DYNC2H1: variants seen among roughly 807,000 people sequenced by gnomAD.
DYNC2H1 encodes cytoplasmic dynein 2 heavy chain 1.
DYNC2H1 carries 410 observed loss-of-function variants against 570.0 expected under a neutral mutation model. That is an observed-to-expected ratio of 0.72 (90% confidence interval 0.66 to 0.78). The LOEUF (loss-of-function observed/expected upper bound fraction) is 0.78, where lower values mean the gene tolerates loss of function less well. Among genes scored for constraint, DYNC2H1 ranks in the 30% least tolerant of loss-of-function variants. DYNC2H1 has a pLI of 0.00. For synonymous variants in DYNC2H1, 1,688 were observed against 1,677.6 expected, an observed-to-expected ratio of 1.01 and a Z score of -0.15; for missense variants, 4,865 against 5,046.4, an observed-to-expected ratio of 0.96 and a Z score of 1.09.
chr11:103,448,271 T>C (rs1456149372), intron 85 of DYNC2H1, among the ~76,000 whole-genome samples: 1 of 152,144 alleles, frequency 6.6e-6, no homozygotes, highest in Admixed American at 6.5e-5. Flanking sequence ...CATGTGTGTG[T>C]ATGTTCTTCC....
intron 59 of DYNC2H1, among the ~76,000 whole-genome samples, chr11:103,227,132 G>T (rs912903092): frequency 1.1e-4 from 16 of 151,454 alleles, no homozygotes; most frequent in Non-Finnish European, 2.2e-4. Flanking sequence ...TTCAAAGAAT[G>T]AACTTTTTGT....
At chr11:103,421,098 C>T (rs1463504760) in intron 84 of DYNC2H1, among the ~76,000 whole-genome samples, 1 of 152,098 alleles carries the variant, frequency 6.6e-6, no homozygotes, top group African/African-American at 2.4e-5. Context: ...ACAAAACAGA[C>T]TTCAAACCAA....
In DYNC2H1 at chr11:103,206,779, A is replaced by T. The variant is rs983395585; in HGVS notation, c.8454+1815A>T. 8.5e-5 allele frequency among the ~76,000 whole-genome samples: 13 copies of T among 152,226 alleles called. 1 individual carries two copies. The highest frequency in any genetic ancestry group is 2.1e-4 in the South Asian group (1 of 4,834). On this transcript the variant is annotated intron_variant, in intron 52 of 88. Coordinates refer to ENST00000375735, the MANE Select transcript of DYNC2H1 (RefSeq NM_001377.3). ...TGACTTTGATGGAGCAGTTGCAGTT[A>T]GTAATGGAAAAAGCCGTATTGGAAT...
In DYNC2H1 at chr11:103,128,513, G is replaced by A. The variant is rs117482735; in HGVS notation, c.1858-397G>A. 7.4e-3 allele frequency among the ~76,000 whole-genome samples: 1,126 copies of A among 152,258 alleles called. 6 individuals are homozygous for A. The highest frequency in any genetic ancestry group is 0.011 in the Admixed American group (173 of 15,302). ...ATTAAGGATATCTCAAAGAATTTTT[G>A]GTCTGAGACATGAATAAATTATTGT... On this transcript the variant is annotated intron_variant, in intron 12 of 88. Coordinates refer to ENST00000375735, the MANE Select transcript of DYNC2H1 (RefSeq NM_001377.3).
chr11:103,306,005 A>G (rs369113778), intron 77 of DYNC2H1, among the ~76,000 whole-genome samples: 6 of 152,190 alleles, frequency 3.9e-5, no homozygotes, highest in African/African-American at 1.4e-4. Context: ...TCCACCTCCC[A>G]AGTTCAAATG....
chr11:103,324,626 G>T lies in DYNC2H1; in HGVS notation c.12039+636G>T, dbSNP rs1321458341. Among the ~76,000 whole-genome samples the T allele has an allele frequency of 6.6e-6, 1 of 152,136 alleles. No individual in the cohort carries two copies. Among genetic ancestry groups the T allele is most frequent in the African/African-American group, 2.4e-5 (1 of 41,422 alleles). On this transcript the variant is annotated intron_variant, in intron 82 of 88. Coordinates refer to ENST00000375735, the MANE Select transcript of DYNC2H1 (RefSeq NM_001377.3). The surrounding 1 kb of genome is among the most constrained non-coding windows in gnomAD (Gnocchi z 5.2). ...TCAGTCTACCATTGATGGCCATTTA[G>T]GTTGACTCCATATCTTTGCTATTGT...
chr11:103,231,189 A>G lies in DYNC2H1; in HGVS notation c.9354-71A>G, dbSNP rs61896694. 88,897 of 830,168 alleles carry G rather than the reference A, an allele frequency of 0.11. 5,650 individuals are homozygous for G. Among genetic ancestry groups the G allele is most frequent in the East Asian group, 0.12 (4,490 of 36,878 alleles). The allele number at this position is 830,168 out of a possible 1,614,324, so 51.4% of individuals were successfully genotyped here. A position where few individuals can be genotyped will look rare whatever the true frequency, so the allele number is the denominator to read the frequency against. On this transcript the variant is annotated intron_variant, in intron 59 of 88. Transcript: ENST00000375735. ...TTTAATTGTCATATGATTACATTTT[A>G]AGGTGCTGCTGCTGCTTTATAGTTG...
At chr11:103,267,798 A>G (rs1865566873) in intron 70 of DYNC2H1, among the ~76,000 whole-genome samples, 1 of 151,936 alleles carries the variant, frequency 6.6e-6, no homozygotes, top group African/African-American at 2.4e-5. Context: ...ATCTCTTTAT[A>G]TTCATAAGTA....
intron 75 of DYNC2H1, among the ~76,000 whole-genome samples, chr11:103,291,012 T>A (rs1243355958): frequency 2.0e-5 from 3 of 152,096 alleles, no homozygotes; most frequent in Non-Finnish European, 4.4e-5. Flanking sequence ...CAGCCATGGA[T>A]GGGGGAGTGG....
At chr11:103,218,092 G>A (rs1591426633) in intron 55 of DYNC2H1, among the ~76,000 whole-genome samples, 1 of 152,188 alleles carries the variant, frequency 6.6e-6, no homozygotes, top group Non-Finnish European at 1.5e-5. Flanking sequence ...GCCGTGTGGA[G>A]CATCTGGAAC....
At chr11:103,159,082 G>T in intron 28 of DYNC2H1, 55 bp downstream of exon 28, 1 of 1,407,722 alleles carries the variant, frequency 7.1e-7, no homozygotes, top group Non-Finnish European at 9.9e-7. Context: ...TGTCTGCCAG[G>T]CCTAATATTA....
rs757061327 is a variant in DYNC2H1 at position 103,253,425 on chromosome 11, A to G, written c.10183A>G (p.Thr3395Ala). The change falls in exon 66 of 89, where the codon ACA (threonine) becomes GCA (alanine). Residue 3395 changes from threonine (T) to alanine (A), a missense_variant. Physicochemically the swap from Thr to Ala is moderately conservative, Grantham distance 58. Coordinates refer to ENST00000375735, the MANE Select transcript of DYNC2H1 (RefSeq NM_001377.3). ...SIVTEVNFTT[T>A]RSGLRGQLLA... ...TGTTACTGAGGTTAACTTTACTACA[A>G]CAAGAAGTGGATTACGAGGGCAGGT... is the stretch of plus-strand genomic sequence containing the variant. The G allele has an allele frequency of 7.4e-6, 12 of 1,612,910 alleles. No individual in the cohort carries two copies. The Admixed American group carries it at 8.3e-5, about 11-fold the overall frequency.
intron 63 of DYNC2H1, among the ~76,000 whole-genome samples, chr11:103,237,926 A>G (rs1297639211): frequency 1.3e-5 from 2 of 152,124 alleles, no homozygotes; most frequent in Non-Finnish European, 2.9e-5. Context: ...ATAAGCTTAA[A>G]TTTACTTTGT....
chr11:103,270,574 G>A (rs374533594), intron 70 of DYNC2H1, among the ~76,000 whole-genome samples: 1 of 135,032 alleles, frequency 7.4e-6, no homozygotes, highest in Non-Finnish European at 1.7e-5. Context: ...ATATGATGTG[G>A]TACCTCTCTC....
intron 82 of DYNC2H1, among the ~76,000 whole-genome samples, chr11:103,329,090 A>G (rs559089685): frequency 6.6e-6 from 1 of 151,600 alleles, no homozygotes; most frequent in African/African-American, 2.4e-5. Flanking sequence ...AAAGAAGTAC[A>G]TCTGTGACAG....
intron 45 of DYNC2H1, 42 bp from the exon 46 acceptor site, chr11:103,191,475 T>C: frequency 1.4e-6 from 2 of 1,436,154 alleles, no homozygotes; most frequent in Non-Finnish European, 1.9e-6. Context: ...TGATTATTAT[T>C]TAAGGCAGTA....
chr11:103,464,346 GGTTAT>G (rs140069606), intron 87 of DYNC2H1, among the ~76,000 whole-genome samples: 24,674 of 151,880 alleles, frequency 0.16, 2,134 homozygotes, highest in Admixed American at 0.24. Flanking sequence ...ATGATAAATT[GGTTAT>G]GTTATGAGAC....
At chr11:103,117,268 A>T (rs1565311764) in intron 5 of DYNC2H1, among the ~76,000 whole-genome samples, 2 of 147,102 alleles carry the variant, frequency 1.4e-5, no homozygotes, top group African/African-American at 2.5e-5. Flanking sequence ...TTATATATAT[A>T]TATTTTTTAA....
chr11:103,468,702 A>C lies in DYNC2H1; in HGVS notation c.12762A>C (p.Pro4254=). 1 of 1,603,816 alleles carries C rather than the reference A, an allele frequency of 6.2e-7. No homozygotes were observed. Among genetic ancestry groups the C allele is most frequent in the Non-Finnish European group, 8.5e-7 (1 of 1,172,060 alleles). Reference sequence around the variant, plus strand: ...TCCCTTGTTTTATGGGCTGGATTCCACAGGTAATACATTTTTAACAAGCAC... The same window carrying C: ...TCCCTTGTTTTATGGGCTGGATTCCCCAGGTAATACATTTTTAACAAGCAC... ...SVLPCFMGWI[P]QDACGPYSPD... is the part of the protein sequence containing the mutation. The change falls in exon 88 of 89, where the codon CCA becomes CCC. Residue 4254 remains proline (P), a synonymous_variant. Coordinates refer to ENST00000375735, the MANE Select transcript of DYNC2H1 (RefSeq NM_001377.3).
Sources: allele counts gnomAD v4.1 joint callset (sites outside exome capture counted in the v4.1 genomes callset), GRCh38; gene constraint gnomAD v4.1.1; non-coding constraint Gnocchi (gnomAD v3.1); transcripts MANE v1.5; gene names NCBI Gene and HGNC (gene_info 2026-07-23, HGNC 2026-07-21).